MAP3K14: variants seen among roughly 807,000 people sequenced by gnomAD.
The protein encoded by MAP3K14 is NF-kappa-beta-inducing kinase.
Under a neutral mutation model 99.2 loss-of-function variants are expected in MAP3K14, and 16 were observed. The ratio of observed to expected loss-of-function variants is 0.16; its 90% CI spans 0.11 to 0.24. The LOEUF (loss-of-function observed/expected upper bound fraction) is 0.24. Among genes scored for constraint, MAP3K14 ranks in the 10% least tolerant of loss-of-function variants. MAP3K14 has a pLI of 1.00. For synonymous variants in MAP3K14, 462 were observed against 492.4 expected, an observed-to-expected ratio of 0.94 and a Z score of 0.82; for missense variants, 784 against 1,208.7, an observed-to-expected ratio of 0.65 and a Z score of 5.21.
At chr17:45,301,625 T>C (rs2143853759) in intron 1 of MAP3K14, among the ~76,000 whole-genome samples, 1 of 152,286 alleles carries the variant, frequency 6.6e-6, no homozygotes, top group Non-Finnish European at 1.5e-5. Flanking sequence ...ATTAAATTAG[T>C]AGAAAGAGGA....
At chr17:45,265,066 G>C in intron 15 of MAP3K14, 97 bp downstream of exon 15, 7 of 1,025,786 alleles carry the variant, frequency 6.8e-6, no homozygotes, top group Non-Finnish European at 1.1e-5. Context: ...TCCCTAGAGT[G>C]CCATTCTACT....
chr17:45,297,066 T>C (rs2044350936), intron 1 of MAP3K14, among the ~76,000 whole-genome samples: 2 of 152,172 alleles, frequency 1.3e-5, no homozygotes, highest in South Asian at 4.1e-4. Flanking sequence ...ATTTTACAGA[T>C]GAAGAAATTA....
chr17:45,271,000 C>T, intron 10 of MAP3K14, 58 bp downstream of exon 10: 1 of 1,575,078 alleles, frequency 6.3e-7, no homozygotes, highest in Non-Finnish European at 8.6e-7. Flanking sequence ...CAGCCTGCAG[C>T]CTGGGCCCCA....
chr17:45,280,299 C>A (rs1292111505), intron 6 of MAP3K14, among the ~76,000 whole-genome samples: 2 of 122,334 alleles, frequency 1.6e-5, no homozygotes, highest in African/African-American at 6.6e-5. Flanking sequence ...CACAGAAACA[C>A]TTTTTTTTTT....
rs1567996046 is a variant in MAP3K14, at chr17:45,289,212, C to G, written c.326+24G>C. 3.1e-6 allele frequency: 5 copies of G among 1,611,774 alleles called. No individual in the cohort carries two copies. The Admixed American group carries it at 5.0e-5, about 16-fold the overall frequency. The stretch of plus-strand genomic sequence containing the variant: ...GCTGGGTCCAGTCCCCACCTTCCCA[C>G]TCAGGCTTGTCTCCCCTGCTTACCT... On this transcript the variant is annotated intron_variant, in intron 3 of 15. Transcript: ENST00000344686.
intron 9 of MAP3K14, among the ~76,000 whole-genome samples, chr17:45,271,791 T>G (rs1357127613): frequency 6.6e-6 from 1 of 152,158 alleles, no homozygotes; most frequent in Non-Finnish European, 1.5e-5. Context: ...CCTTAAAGTG[T>G]TTTTTAAAAA....
intron 14 of MAP3K14, 90 bp downstream of exon 14, chr17:45,266,447 G>A: frequency 6.7e-7 from 1 of 1,489,370 alleles, no homozygotes; most frequent in South Asian, 1.3e-5. Flanking sequence ...CTGTGCCAGA[G>A]GAGGGGAGAC....
At chr17:45,281,026 G>T (rs1735011799) in intron 6 of MAP3K14, among the ~76,000 whole-genome samples, 1 of 152,082 alleles carries the variant, frequency 6.6e-6, no homozygotes, top group Non-Finnish European at 1.5e-5. Context: ...TTGTATATAT[G>T]CCAATAAGGA....
chr17:45,299,643 T>C (rs1356911173), intron 1 of MAP3K14, among the ~76,000 whole-genome samples: 2 of 152,218 alleles, frequency 1.3e-5, no homozygotes, highest in Admixed American at 6.5e-5. Context: ...ACCTCAGAAC[T>C]GGACTCATTG....
intron 1 of MAP3K14, among the ~76,000 whole-genome samples, chr17:45,309,873 G>A (rs1042424144): frequency 1.3e-5 from 2 of 152,096 alleles, no homozygotes; most frequent in African/African-American, 4.8e-5. Flanking sequence ...TCTAATACAT[G>A]CTAGAGGGAG....
At chr17:45,285,013 C>T in intron 5 of MAP3K14, 64 bp from the exon 6 acceptor site, 2 of 1,511,838 alleles carry the variant, frequency 1.3e-6, no homozygotes, top group East Asian at 2.5e-5. Flanking sequence ...TACAGGGCTA[C>T]AGTGAGGAAG....
intron 6 of MAP3K14, among the ~76,000 whole-genome samples, chr17:45,279,662 A>G (rs1205083587): frequency 6.6e-6 from 1 of 151,298 alleles, no homozygotes; most frequent in African/African-American, 2.4e-5. Flanking sequence ...TGACCTCATG[A>G]TCTGCCCACC....
rs2044271549 is a variant in MAP3K14 at position 45,286,989 on chromosome 17, C to T, written c.594G>A (p.Lys198=). Reference sequence around the variant, plus strand: ...GCCCAAGGCCTGGTTCCTTCAGAGGCTTGGTGAACTGCGGGGTGTTTCTAA... The same window carrying T: ...GCCCAAGGCCTGGTTCCTTCAGAGGTTTGGTGAACTGCGGGGTGTTTCTAA... ...PYVRNTPQFT[K]PLKEPGLGQL... The change falls in exon 5 of 16, where the codon AAG becomes AAA. Residue 198 remains lysine (K), a synonymous_variant. Transcript: ENST00000344686. The surrounding 1 kb of genome is among the most constrained non-coding windows in gnomAD (Gnocchi z 4.1). 1.2e-6 allele frequency: 2 copies of T among 1,613,882 alleles called. No individual in the cohort carries two copies. Among genetic ancestry groups the T allele is most frequent in the East Asian group, 2.2e-5 (1 of 44,896 alleles).
At chr17:45,315,843 G>A (rs1370076923) in intron 1 of MAP3K14, among the ~76,000 whole-genome samples, 10 of 152,102 alleles carry the variant, frequency 6.6e-5, no homozygotes, top group Admixed American at 6.6e-4. Context: ...CCATCTGAAG[G>A]AAAACGGAGC....
Position 45,284,967 on chromosome 17 carries a change from G to C in MAP3K14, c.1153-18C>G, listed in dbSNP as rs2044252443. 6.4e-7 allele frequency: 1 copy of C among 1,550,604 alleles called. No homozygotes were observed. The highest frequency in any genetic ancestry group is 1.4e-5 in the African/African-American group (1 of 73,036). On this transcript the variant is annotated intron_variant, in intron 5 of 15. Transcript: ENST00000344686. ...TTGAGTTTCTGGGGTTGGCAGGAGA[G>C]AGAGGACAGTTTCAGTGGCCAGGGC...
In MAP3K14 at chr17:45,267,188, G is replaced by A. The variant is rs1002787088; in HGVS notation, c.2337C>T (p.Leu779=). The A allele has an allele frequency of 9.4e-6, 15 of 1,592,600 alleles. No individual in the cohort carries two copies. The highest frequency in any genetic ancestry group is 1.3e-5 in the Non-Finnish European group (15 of 1,169,148). ...ELQQLEIELF[L]NSLSQPFSLE... ...GAGAAAATGGCTGGGACAGGCTGTTGAGGAATAATTCTGCAGGGAAAAGTG... is the reference window on the plus strand; with the variant it reads ...GAGAAAATGGCTGGGACAGGCTGTTAAGGAATAATTCTGCAGGGAAAAGTG... Residue 779 remains leucine, a synonymous_variant, in exon 13 of 16, where the codon CTC becomes CTT. Transcript: ENST00000344686. The surrounding 1 kb of genome is among the most constrained non-coding windows in gnomAD (Gnocchi z 5.1).
In MAP3K14 at chr17:45,286,344, C is replaced by G; in HGVS notation, c.1152+87G>C. 2.1e-6 allele frequency: 3 copies of G among 1,424,990 alleles called. No homozygotes were observed. The African/African-American group carries it at 4.3e-5, about 20-fold the overall frequency. 88.3% of individuals were successfully genotyped at this position (1,424,990 alleles called of 1,614,324 possible). On this transcript the variant is annotated intron_variant, in intron 5 of 15. Coordinates refer to ENST00000344686, the MANE Select transcript of MAP3K14 (RefSeq NM_003954.5). This position sits in a 1 kb window ranked among gnomAD's most constrained non-coding sequence, Gnocchi z 4.1. ...TGTCCTACTGTTTGATTTGTCACCA[C>G]AGGCAAGAGTGACTCTGATAAAGAG... is the stretch of plus-strand genomic sequence containing the variant.
chr17:45,312,511 T>C (rs1257196011), intron 1 of MAP3K14, among the ~76,000 whole-genome samples: 1 of 152,230 alleles, frequency 6.6e-6, no homozygotes, highest in Admixed American at 6.5e-5. Context: ...TTGTTTTGTA[T>C]TAAGGTGAAA....
At chr17:45,275,070 C>T (rs2044168873) in intron 6 of MAP3K14, among the ~76,000 whole-genome samples, 1 of 151,418 alleles carries the variant, frequency 6.6e-6, no homozygotes, top group Admixed American at 6.6e-5. Context: ...ACCCAGGAGG[C>T]GGAGCTTGCA....
Sources: gnomAD v4.1 joint callset for allele counts (sites outside exome capture counted in the v4.1 genomes callset) on GRCh38, gnomAD v4.1.1 for gene constraint, Gnocchi (gnomAD v3.1) non-coding constraint, MANE v1.5 for transcripts, NCBI Gene and HGNC (gene_info 2026-07-23, HGNC 2026-07-21) for gene names.